Variants in ELAPOR2 observed in about 807,000 individuals in gnomAD.
ELAPOR2 encodes the protein endosome-lysosome associated apoptosis and autophagy regulator family member 2.
ELAPOR2 carries 89 observed loss-of-function variants against 120.7 expected under a neutral mutation model. The ratio of observed to expected loss-of-function variants is 0.74; its 90% CI spans 0.62 to 0.88. The LOEUF (loss-of-function observed/expected upper bound fraction) is 0.88. ELAPOR2 is among the 40% of genes least tolerant of loss of function. ELAPOR2 has a pLI of 0.00. For missense variants in ELAPOR2, 1,134 were observed against 1,251.6 expected, an observed-to-expected ratio of 0.91 and a Z score of 1.42; for synonymous variants, 444 against 444.9, an observed-to-expected ratio of 1.00 and a Z score of 0.03.
chr7:86,917,579 A>C (rs546619217), intron 12 of ELAPOR2, among the ~76,000 whole-genome samples: 2 of 152,200 alleles, frequency 1.3e-5, no homozygotes, highest in Admixed American at 1.3e-4. Context: ...ATAAGGAGGC[A>C]GACTTGGGAG....
chr7:86,994,720 T>C (rs973387723), intron 1 of ELAPOR2, among the ~76,000 whole-genome samples: 10 of 152,078 alleles, frequency 6.6e-5, no homozygotes, highest in African/African-American at 1.2e-4. Context: ...TAAGAAAAAG[T>C]TGACTTAGTA....
At chr7:86,924,556 T>C (rs1304577538) in intron 10 of ELAPOR2, among the ~76,000 whole-genome samples, 1 of 152,010 alleles carries the variant, frequency 6.6e-6, no homozygotes, top group East Asian at 1.9e-4. Context: ...AGCTATTATA[T>C]CTTATTCTTC....
chr7:86,896,049 T>C (rs1788421945), intron 19 of ELAPOR2, among the ~76,000 whole-genome samples: 1 of 152,148 alleles, frequency 6.6e-6, no homozygotes, highest in Non-Finnish European at 1.5e-5. Flanking sequence ...TGAGCGGCAC[T>C]GACCCTGTGT....
intron 2 of ELAPOR2, among the ~76,000 whole-genome samples, chr7:86,963,318 G>A (rs1249533968): frequency 1.3e-5 from 2 of 152,224 alleles, no homozygotes; most frequent in South Asian, 2.1e-4. Flanking sequence ...AACTAAAACC[G>A]ATTCCTATGC....
In ELAPOR2 at chr7:86,986,228, G is replaced by A. The variant is rs1427193110; in HGVS notation, c.190-21204C>T. On this transcript the variant is annotated intron_variant, in intron 1 of 21. Coordinates refer to ENST00000450689, the MANE Select transcript of ELAPOR2 (RefSeq NM_001142749.3). ...GCGGATCACGAGGTCAGGAGATCGA[G>A]ACCATCCCGGCTAAAATGGTGAAAC... is the stretch of plus-strand genomic sequence containing the variant. Among the ~76,000 whole-genome samples, 3 of 120,466 alleles carry A rather than the reference G, an allele frequency of 2.5e-5. 1 individual carries two copies. Among genetic ancestry groups the A allele is most frequent in the Admixed American group, 7.9e-5 (1 of 12,708 alleles). 79.0% of individuals were successfully genotyped at this position (120,466 alleles called of 152,430 possible). A position where few individuals can be genotyped will look rare whatever the true frequency, so the allele number is the denominator to read the frequency against.
chr7:87,015,563 G>A (rs1212237837), intron 1 of ELAPOR2, among the ~76,000 whole-genome samples: 1 of 152,150 alleles, frequency 6.6e-6, no homozygotes, highest in African/African-American at 2.4e-5. Context: ...AAGGCAGGTG[G>A]ATCACATGAG....
At chr7:87,050,371 G>A (rs1408849575) in intron 1 of ELAPOR2, among the ~76,000 whole-genome samples, 1 of 152,052 alleles carries the variant, frequency 6.6e-6, no homozygotes, top group Admixed American at 6.6e-5. Flanking sequence ...TGAGTTCTCA[G>A]GAGATCGAGA....
intron 2 of ELAPOR2, among the ~76,000 whole-genome samples, chr7:86,960,981 C>T (rs967113470): frequency 1.3e-5 from 2 of 152,038 alleles, no homozygotes; most frequent in African/African-American, 4.8e-5. Flanking sequence ...AAATTCTAGA[C>T]TATAAATACT....
intron 1 of ELAPOR2, among the ~76,000 whole-genome samples, chr7:87,043,040 A>G (rs1485951389): frequency 5.3e-5 from 8 of 151,880 alleles, no homozygotes; most frequent in African/African-American, 1.5e-4. Context: ...TGACACATAC[A>G]CTCTCCCAAC....
At chr7:86,951,813 T>A (rs184937576) in intron 2 of ELAPOR2, among the ~76,000 whole-genome samples, 3 of 152,358 alleles carry the variant, frequency 2.0e-5, no homozygotes, top group Admixed American at 6.5e-5. Flanking sequence ...ATTTAGTATA[T>A]GTTGTTAATT....
intron 2 of ELAPOR2, among the ~76,000 whole-genome samples, chr7:86,954,316 C>T (rs186355493): frequency 2.0e-5 from 3 of 152,220 alleles, no homozygotes; most frequent in East Asian, 3.9e-4. Context: ...ATGATTTATG[C>T]CTAACAATAA....
intron 1 of ELAPOR2, among the ~76,000 whole-genome samples, chr7:87,047,239 G>C (rs531216940): frequency 1.3e-5 from 2 of 152,170 alleles, no homozygotes; most frequent in East Asian, 3.9e-4. Flanking sequence ...ACTACTAAAG[G>C]ACAACATTGG....
chr7:87,056,597 C>T (rs909317524), intron 1 of ELAPOR2, among the ~76,000 whole-genome samples: 5 of 152,194 alleles, frequency 3.3e-5, no homozygotes, highest in Non-Finnish European at 7.3e-5. Flanking sequence ...TAACTTTTCT[C>T]CCCCTTTCGA....
chr7:86,926,920 C>CAA lies in ELAPOR2; in HGVS notation c.1090-6_1090-5dup, dbSNP rs397698585. 0.027 allele frequency: 23,725 copies of CAA among 879,580 alleles called. 339 individuals carry two copies. The highest frequency in any genetic ancestry group is 0.13 in the African/African-American group (4,352 of 33,868). 54.5% of individuals were successfully genotyped at this position (879,580 alleles called of 1,614,324 possible). A position where few individuals can be genotyped will look rare whatever the true frequency, so the allele number is the denominator to read the frequency against. Reference sequence around the variant, plus strand: ...TCCACTTGTACATTATCTGTGTCTACAAAAAAAAAAAAAAAAAAAAAGCAA... The same window carrying CAA: ...TCCACTTGTACATTATCTGTGTCTACAAAAAAAAAAAAAAAAAAAAAAAGCAA... On this transcript the variant is annotated splice_polypyrimidine_tract_variant and splice_region_variant and intron_variant, in intron 8 of 21. Transcript: ENST00000450689.
intron 8 of ELAPOR2, among the ~76,000 whole-genome samples, chr7:86,934,921 A>C (rs1223092472): frequency 6.6e-6 from 1 of 151,746 alleles, no homozygotes; most frequent in East Asian, 1.9e-4. Context: ...CATCTTATCA[A>C]CCATCACATT....
intron 13 of ELAPOR2, among the ~76,000 whole-genome samples, chr7:86,914,067 C>T (rs1789447936): frequency 6.6e-6 from 1 of 152,162 alleles, no homozygotes; most frequent in South Asian, 2.1e-4. Flanking sequence ...AAATGCCATA[C>T]ATTGCCACCA....
chr7:87,004,768 C>T (rs575945512), intron 1 of ELAPOR2, among the ~76,000 whole-genome samples: 41 of 152,094 alleles, frequency 2.7e-4, no homozygotes, highest in South Asian at 2.3e-3. Flanking sequence ...GACATATTAA[C>T]GGAGAAGGAG....
intron 2 of ELAPOR2, among the ~76,000 whole-genome samples, chr7:86,958,057 G>A (rs1232913775): frequency 6.6e-6 from 1 of 152,136 alleles, no homozygotes; most frequent in Non-Finnish European, 1.5e-5. Flanking sequence ...TGTTAGGGGT[G>A]TGCAGATGCC....
intron 21 of ELAPOR2, chr7:86,891,435 C>T (rs1788155833): frequency 3.6e-6 from 1 of 281,542 alleles, no homozygotes; most frequent in Non-Finnish European, 6.6e-6. Context: ...TTTATCAGTA[C>T]ACATAGCTAT....
Sources: allele counts gnomAD v4.1 joint callset (sites outside exome capture counted in the v4.1 genomes callset), GRCh38; gene constraint gnomAD v4.1.1; transcripts MANE v1.5; gene names NCBI Gene and HGNC (gene_info 2026-07-23, HGNC 2026-07-21).